The following FGFRL1 variants were observed in gnomAD, a reference collection of about 807,000 sequenced individuals.
The protein encoded by FGFRL1 is fibroblast growth factor receptor-like 1.
A neutral mutation model predicts 36.8 loss-of-function variants in FGFRL1; 24 were observed. The observed-to-expected ratio is 0.65, with a 90% CI of 0.47 to 0.92. FGFRL1 has a LOEUF of 0.92. Ranked by LOEUF, FGFRL1 falls within the 40% of genes least tolerant of loss-of-function variation. The pLI, the probability that FGFRL1 is intolerant of heterozygous loss-of-function variation, is 0.00. For missense variants in FGFRL1, 785 were observed against 753.4 expected, an observed-to-expected ratio of 1.04 and a Z score of -0.49; for synonymous variants, 422 against 344.1, an observed-to-expected ratio of 1.23 and a Z score of -2.50.
rs1287496213 is a variant in FGFRL1, at chr4:1,011,645, A to G, written c.-326A>G. Among the ~76,000 whole-genome samples the G allele has an allele frequency of 7.6e-6, 1 of 132,402 alleles. No individual in the cohort carries two copies. The highest frequency in any genetic ancestry group is 2.8e-4 in the East Asian group (1 of 3,568). The allele number at this position is 132,402 out of a possible 152,430, so 86.9% of individuals were successfully genotyped here. A position where few individuals can be genotyped will look rare whatever the true frequency, so the allele number is the denominator to read the frequency against. Reference sequence around the variant, plus strand: ...TCCGGGAGAGTTGACAAAGCCCCGCAGGGAAGGACGCCTCGCGGCGCGGCG... The same window carrying G: ...TCCGGGAGAGTTGACAAAGCCCCGCGGGGAAGGACGCCTCGCGGCGCGGCG... On this transcript the variant is annotated 5_prime_UTR_variant, in exon 1 of 7. Coordinates refer to ENST00000510644, the MANE Select transcript of FGFRL1 (RefSeq NM_001004356.3).
chr4:1,023,771 T>C lies in FGFRL1; in HGVS notation c.434-46T>C, dbSNP rs1210983418. ...GGGGCGTCCGTCTGTCCCGGCCCCT[T>C]GGCTGCATCCCCGTCCTCTGACCTC... is the stretch of plus-strand genomic sequence containing the variant. On this transcript the variant is annotated intron_variant, in intron 4 of 6. Transcript: ENST00000510644. This position sits in a 1 kb window ranked among gnomAD's most constrained non-coding sequence, Gnocchi z 6.0. 6.4e-7 allele frequency: 1 copy of C among 1,554,906 alleles called. No homozygotes were observed. The highest frequency in any genetic ancestry group is 1.9e-5 in the Admixed American group (1 of 53,878).
At chr4:1,014,300 T>C (rs927096802) in intron 2 of FGFRL1, among the ~76,000 whole-genome samples, 6 of 152,204 alleles carry the variant, frequency 3.9e-5, no homozygotes, top group African/African-American at 1.2e-4. Flanking sequence ...TGAAAAAATA[T>C]AGGAATTGGC....
chr4:1,012,271 G>GA, intron 1 of FGFRL1, 199 bp from the exon 2 acceptor site: 1 of 514,770 alleles, frequency 1.9e-6, no homozygotes, highest in South Asian at 2.7e-5. Context: ...GGCGGCGGGG[G>GA]AGCCCGGTAA....
At position 1,025,266 on chromosome 4, in the gene FGFRL1, C is replaced by CCACACACA; in HGVS notation, c.1448_1455dup (p.Ser486ThrfsTer97). On this transcript the variant is annotated frameshift_variant, in exon 7 of 7. Transcript: ENST00000510644. LOFTEE classifies it high-confidence loss of function. ...TGTACCCCAAACTCTACACAGACAT[C>CCACACACA]CACACACACACACACACACACTCTC... 1 of 1,438,948 alleles carries CCACACACA rather than the reference C, an allele frequency of 6.9e-7. No homozygotes were observed. The highest frequency in any genetic ancestry group is 9.6e-7 in the Non-Finnish European group (1 of 1,043,776). 89.1% of individuals were successfully genotyped at this position (1,438,948 alleles called of 1,614,324 possible).
intron 2 of FGFRL1, among the ~76,000 whole-genome samples, chr4:1,019,605 G>A (rs113619380): frequency 5.9e-5 from 9 of 152,314 alleles, no homozygotes; most frequent in South Asian, 2.1e-4. Flanking sequence ...CTTCCTCCCC[G>A]GGACAAATTT....
In FGFRL1 at chr4:1,025,024, C is replaced by G. The variant is rs1488809480; in HGVS notation, c.1192C>G (p.Leu398Val). ...CATCCTGGGCACCCTGCTCCTGTGG[C>G]TTTGCCAGGCCCAGAAGAAGCCGTG... ...VFILGTLLLW[L>V]CQAQKKPCTP... Residue 398 changes from leucine (L) to valine (V), a missense_variant, in exon 7 of 7, where the codon CTT becomes GTT. Transcript: ENST00000510644. The G allele has an allele frequency of 1.9e-6, 3 of 1,611,066 alleles. No individual in the cohort carries two copies. The highest frequency in any genetic ancestry group is 2.7e-5 in the African/African-American group (2 of 74,906).
upstream of FGFRL1, among the ~76,000 whole-genome samples, chr4:1,010,566 C>T (rs1030918144): frequency 1.1e-4 from 17 of 152,210 alleles, no homozygotes; most frequent in African/African-American, 3.9e-4. Flanking sequence ...GGGCTTCAGG[C>T]CCCAGAAAGA....
At chr4:1,024,251 G>A (rs1355168519) in intron 5 of FGFRL1, 60 bp from the exon 6 acceptor site, 2 of 1,518,092 alleles carry the variant, frequency 1.3e-6, no homozygotes, top group Non-Finnish European at 1.8e-6. Context: ...GGCCCAGGGT[G>A]CTGGCGGGGT....
At chr4:1,017,424 G>A (rs73070414) in intron 2 of FGFRL1, among the ~76,000 whole-genome samples, 4,104 of 152,226 alleles carry the variant, frequency 0.027, 176 homozygotes, top group African/African-American at 0.093. Flanking sequence ...CACTGGCTCC[G>A]TCTGTCCCCA....
intron 2 of FGFRL1, among the ~76,000 whole-genome samples, chr4:1,019,452 C>G (rs1209935502): frequency 6.6e-6 from 1 of 152,218 alleles, no homozygotes; most frequent in Non-Finnish European, 1.5e-5. Context: ...GCCTTGGCCA[C>G]TCCCCCTTGG....
intron 2 of FGFRL1, 73 bp downstream of exon 2, chr4:1,012,637 C>T: frequency 1.6e-6 from 1 of 626,062 alleles, no homozygotes; most frequent in Non-Finnish European, 2.4e-6. Flanking sequence ...GCCCTGAACC[C>T]TGCCACAGTG....
chr4:1,024,481 G>T lies in FGFRL1; in HGVS notation c.889G>T (p.Asp297Tyr), dbSNP rs532080560. The part of the protein sequence containing the change: ...GAEGRHNSTI[D>Y]VGGQKFVVLP... ...CGAGGGCCGCCACAACTCCACCATC[G>T]ATGTGGGCGGCCAGAAGTTTGTGGT... The change falls in exon 6 of 7, where the codon GAT (aspartate) becomes TAT (tyrosine). Residue 297 changes from aspartate (D) to tyrosine (Y), a missense_variant. Asp to Tyr is a radical substitution (Grantham distance 160, BLOSUM62 -3). Transcript: ENST00000510644. 1.2e-6 allele frequency: 2 copies of T among 1,612,520 alleles called. No homozygotes were observed. Among genetic ancestry groups the T allele is most frequent in the South Asian group, 1.1e-5 (1 of 91,082 alleles).
chr4:1,024,672 G>C lies in FGFRL1; in HGVS notation c.1072+8G>C. ...TCCTCACCGTGCTGCCAGGTGCGCG[G>C]CTGCCACGCCACGCCACACCATGCT... On this transcript the variant is annotated splice_region_variant and intron_variant, in intron 6 of 6. Coordinates refer to ENST00000510644, the MANE Select transcript of FGFRL1 (RefSeq NM_001004356.3). 1 of 1,589,958 alleles carries C rather than the reference G, an allele frequency of 6.3e-7. No homozygotes were observed.
chr4:1,014,370 C>G (rs1715773370), intron 2 of FGFRL1, among the ~76,000 whole-genome samples: 1 of 152,092 alleles, frequency 6.6e-6, no homozygotes, highest in African/African-American at 2.4e-5. Flanking sequence ...CATGAAATGT[C>G]TTTCACAAAT....
At chr4:1,014,428 GA>G (rs1715776796) in intron 2 of FGFRL1, among the ~76,000 whole-genome samples, 1 of 152,206 alleles carries the variant, frequency 6.6e-6, no homozygotes, top group African/African-American at 2.4e-5. Context: ...TGCCACCTTT[GA>G]ACTTTTGCAA....
At chr4:1,022,945 C>T (rs969685426) in intron 3 of FGFRL1, among the ~76,000 whole-genome samples, 13 of 152,128 alleles carry the variant, frequency 8.5e-5, no homozygotes, top group South Asian at 2.1e-4. Flanking sequence ...CCCGGCACCC[C>T]GCCTGCTCCG....
At chr4:1,015,750 G>A (rs540795399) in intron 2 of FGFRL1, among the ~76,000 whole-genome samples, 1 of 152,232 alleles carries the variant, frequency 6.6e-6, no homozygotes, top group Non-Finnish European at 1.5e-5. Context: ...CGCTGGGCAC[G>A]GTGACACCCT....
chr4:1,019,465 C>A (rs1341386153), intron 2 of FGFRL1, among the ~76,000 whole-genome samples: 1 of 152,204 alleles, frequency 6.6e-6, no homozygotes. Context: ...CCCCTTGGTC[C>A]CGGGAGGCCC....
Position 1,026,611 on chromosome 4 carries a change from TC to T in FGFRL1, c.*1269del, listed in dbSNP as rs544137988. 28 of 263,080 alleles carry T rather than the reference TC, an allele frequency of 1.1e-4. No homozygotes were observed. Among genetic ancestry groups the T allele is most frequent in the African/African-American group, 6.2e-4 (27 of 43,500 alleles). The allele number at this position is 263,080 out of a possible 1,614,324, so 16.3% of individuals were successfully genotyped here. On this transcript the variant is annotated 3_prime_UTR_variant, in exon 7 of 7. Coordinates refer to ENST00000510644, the MANE Select transcript of FGFRL1 (RefSeq NM_001004356.3). ...CTAGTGGCTCATCCCCACTGCATTC[TC>T]CCCCTGACACAGAGAAGGGGCCTTG...
Sources: gnomAD v4.1 joint callset for allele counts (sites outside exome capture counted in the v4.1 genomes callset) on GRCh38, gnomAD v4.1.1 for gene constraint, Gnocchi (gnomAD v3.1) non-coding constraint, MANE v1.5 for transcripts, NCBI Gene and HGNC (gene_info 2026-07-23, HGNC 2026-07-21) for gene names.